OXR1: variants seen among roughly 807,000 people sequenced by gnomAD.
OXR1 encodes oxidation resistance 1.
Under a neutral mutation model 104.6 loss-of-function variants are expected in OXR1, and 41 were observed. The observed-to-expected ratio is 0.39, with a 90% confidence interval of 0.31 to 0.51. The LOEUF (loss-of-function observed/expected upper bound fraction) is 0.51, where lower values mean the gene tolerates loss of function less well. Among genes scored for constraint, OXR1 ranks in the 20% least tolerant of loss-of-function variants. OXR1 has a pLI of 0.77. For synonymous variants in OXR1, 348 were observed against 348.4 expected (o/e 1.00, Z 0.01); for missense variants, 955 against 1,031.9 (o/e 0.93, Z 1.02).
At position 106,698,116 on chromosome 8, in the gene OXR1, T is replaced by C. The variant is rs142140238; in HGVS notation, c.676-4790T>C. 1.2e-3 allele frequency: 838 copies of C among 705,358 alleles called. 9 individuals are homozygous for C. The highest frequency in any genetic ancestry group is 7.0e-4 in the Admixed American group (29 of 41,212). The allele number at this position is 705,358 out of a possible 1,614,324, so 43.7% of individuals were successfully genotyped here. A position where few individuals can be genotyped will look rare whatever the true frequency, so the allele number is the denominator to read the frequency against. ...GCTGCCGAGCTTCTTCTTACATGCT[T>C]ATTTTCTACCCAGATATCCTCTTCA... On this transcript the variant is annotated intron_variant, in intron 7 of 16. Coordinates refer to ENST00000517566, the MANE Select transcript of OXR1 (RefSeq NM_001198533.2).
Position 106,750,480 on chromosome 8 carries a change from C to T in OXR1, c.2487-326C>T, listed in dbSNP as rs140187380. 7.7e-3 allele frequency among the ~76,000 whole-genome samples: 1,178 copies of T among 152,014 alleles called. 19 individuals carry two copies. Among genetic ancestry groups the T allele is most frequent in the African/African-American group, 0.027 (1,122 of 41,492 alleles). ...AGCTGGGATTACAGGCATGTGCCAC[C>T]GCGCCTGGCTAATTTTTTTTGTATT... is the stretch of plus-strand genomic sequence containing the variant. On this transcript the variant is annotated intron_variant, in intron 16 of 16. Coordinates refer to ENST00000517566, the MANE Select transcript of OXR1 (RefSeq NM_001198533.2).
intron 2 of OXR1, among the ~76,000 whole-genome samples, chr8:106,471,700 G>A (rs1180514510): frequency 6.6e-6 from 1 of 151,758 alleles, no homozygotes; most frequent in Admixed American, 6.6e-5. Context: ...AGTAATAAGA[G>A]ATTTTTTTAA....
At chr8:106,693,401 C>A in intron 7 of OXR1, among the ~76,000 whole-genome samples, 1 of 147,880 alleles carries the variant, frequency 6.8e-6, no homozygotes, top group African/African-American at 2.5e-5. Context: ...CTATAATGGC[C>A]AGAATTCAAA....
At chr8:106,559,394 C>G (rs1245175470) in intron 3 of OXR1, among the ~76,000 whole-genome samples, 1 of 152,156 alleles carries the variant, frequency 6.6e-6, no homozygotes, top group East Asian at 1.9e-4. Flanking sequence ...ATCATCCTTA[C>G]AACTATTTTC....
chr8:106,321,015 T>C (rs1429568845), intron 1 of OXR1, among the ~76,000 whole-genome samples: 2 of 152,232 alleles, frequency 1.3e-5, no homozygotes, highest in African/African-American at 2.4e-5. Flanking sequence ...CTATACCTTT[T>C]TGAATGCTGA....
intron 1 of OXR1, among the ~76,000 whole-genome samples, chr8:106,316,792 G>GGAGA (rs1202992243): frequency 6.0e-5 from 9 of 150,282 alleles, no homozygotes; most frequent in African/African-American, 2.0e-4. Context: ...AAAGAGAGAG[G>GGAGA]GAGAGAGAGA....
chr8:106,492,592 T>G (rs1267392488), intron 2 of OXR1, among the ~76,000 whole-genome samples: 1 of 152,176 alleles, frequency 6.6e-6, no homozygotes, highest in Non-Finnish European at 1.5e-5. Context: ...AGGAATGTCT[T>G]ATGTTTACCA....
At chr8:106,716,866 A>G (rs1041793039) in intron 11 of OXR1, among the ~76,000 whole-genome samples, 2 of 152,148 alleles carry the variant, frequency 1.3e-5, no homozygotes, top group Non-Finnish European at 2.9e-5. Context: ...GCTCTTGTGC[A>G]GTGCAGGTCT....
At chr8:106,608,368 A>G (rs1156352003) in intron 3 of OXR1, among the ~76,000 whole-genome samples, 1 of 152,144 alleles carries the variant, frequency 6.6e-6, no homozygotes, top group Non-Finnish European at 1.5e-5. Flanking sequence ...ACCTGTGCTC[A>G]TGTACTTTAT....
intron 11 of OXR1, among the ~76,000 whole-genome samples, chr8:106,733,671 G>T (rs1834099206): frequency 6.6e-6 from 1 of 151,592 alleles, no homozygotes; most frequent in South Asian, 2.1e-4. Flanking sequence ...GCCGTGCGTG[G>T]TGGCACACAC....
chr8:106,534,420 A>G lies in OXR1; in HGVS notation c.220+15281A>G, dbSNP rs1814327012. Among the ~76,000 whole-genome samples the G allele has an allele frequency of 1.3e-5, 2 of 152,248 alleles. 1 individual carries two copies. The highest frequency in any genetic ancestry group is 4.8e-5 in the African/African-American group (2 of 41,464). Reference sequence around the variant, plus strand: ...AAACCTTTAGAGTAAGAAAAAGAATATGGATATTATTACAGAGACATCCCT... The same window carrying G: ...AAACCTTTAGAGTAAGAAAAAGAATGTGGATATTATTACAGAGACATCCCT... On this transcript the variant is annotated intron_variant, in intron 3 of 16. Coordinates refer to ENST00000517566, the MANE Select transcript of OXR1 (RefSeq NM_001198533.2).
chr8:106,707,857 CAT>C (rs1491359830), intron 9 of OXR1, among the ~76,000 whole-genome samples: 3 of 152,172 alleles, frequency 2.0e-5, no homozygotes, highest in Non-Finnish European at 4.4e-5. Flanking sequence ...AGTCCATTCA[CAT>C]GTGAACTTTT....
intron 3 of OXR1, among the ~76,000 whole-genome samples, chr8:106,588,721 C>T (rs1395582607): frequency 3.9e-5 from 6 of 151,972 alleles, no homozygotes; most frequent in Non-Finnish European, 8.8e-5. Flanking sequence ...CTTCATGATC[C>T]GCCCTCCTCG....
chr8:106,317,303 G>T (rs1814007607), intron 1 of OXR1, among the ~76,000 whole-genome samples: 1 of 152,138 alleles, frequency 6.6e-6, no homozygotes, highest in Non-Finnish European at 1.5e-5. Context: ...TATGTTTAGG[G>T]TTAGGATTTC....
chr8:106,565,336 G>A (rs180869780), intron 3 of OXR1, among the ~76,000 whole-genome samples: 1 of 152,182 alleles, frequency 6.6e-6, no homozygotes, highest in African/African-American at 2.4e-5. Flanking sequence ...ACCAATAATA[G>A]ACAAACAGAT....
At chr8:106,292,125 T>A (rs1812780835) in intron 1 of OXR1, among the ~76,000 whole-genome samples, 1 of 152,162 alleles carries the variant, frequency 6.6e-6, no homozygotes, top group East Asian at 1.9e-4. Context: ...TACCCACCCA[T>A]AGCCTCAGTT....
intron 1 of OXR1, among the ~76,000 whole-genome samples, chr8:106,280,359 T>G (rs1465930561): frequency 6.6e-6 from 1 of 152,210 alleles, no homozygotes; most frequent in East Asian, 1.9e-4. Context: ...CTAAAGGTGT[T>G]GACACGGCCA....
At chr8:106,566,593 C>A (rs1338627622) in intron 3 of OXR1, among the ~76,000 whole-genome samples, 1 of 152,118 alleles carries the variant, frequency 6.6e-6, no homozygotes, top group East Asian at 1.9e-4. Context: ...CTAGAAATAC[C>A]ATTTGACCCA....
chr8:106,354,270 G>T (rs1460972457), intron 1 of OXR1, among the ~76,000 whole-genome samples: 1 of 152,030 alleles, frequency 6.6e-6, no homozygotes, highest in Non-Finnish European at 1.5e-5. Flanking sequence ...AAATAAAAAG[G>T]AATCCACCTT....
Sources: gnomAD v4.1 joint callset for allele counts (sites outside exome capture counted in the v4.1 genomes callset) on GRCh38, gnomAD v4.1.1 for gene constraint, MANE v1.5 for transcripts, NCBI Gene and HGNC (gene_info 2026-07-23, HGNC 2026-07-21) for gene names.